Variants in GSE1 observed in about 807,000 individuals in gnomAD.
GSE1 encodes the protein genetic suppressor element 1.
GSE1 carries 32 observed loss-of-function variants against 112.6 expected under a neutral mutation model. That is an observed-to-expected ratio of 0.28 (90% CI 0.21 to 0.38). The LOEUF (loss-of-function observed/expected upper bound fraction) is 0.38. Ranked by LOEUF, GSE1 falls within the 10% of genes least tolerant of loss-of-function variation. The pLI is 1.00. For synonymous variants in GSE1, 1,115 were observed against 735.6 expected (o/e 1.52, Z -8.35); for missense variants, 2,348 against 1,699.2 (o/e 1.38, Z -6.71).
At chr16:85,381,787 G>A (rs4783181) in intron 2 of GSE1, among the ~76,000 whole-genome samples, 44,695 of 152,180 alleles carry the variant, frequency 0.29, 7,517 homozygotes, top group East Asian at 0.45. Context: ...TCACTCCTCA[G>A]GATGCTGTTG....
chr16:85,650,817 G>A (rs1278864264), intron 3 of GSE1, among the ~76,000 whole-genome samples: 2 of 151,920 alleles, frequency 1.3e-5, no homozygotes, highest in Non-Finnish European at 1.5e-5. Flanking sequence ...CAAAGCTGTG[G>A]CCATGAGTCT....
intron 1 of GSE1, among the ~76,000 whole-genome samples, chr16:85,558,938 A>G (rs1598178084): frequency 6.6e-6 from 1 of 150,568 alleles, no homozygotes; most frequent in African/African-American, 2.5e-5. Context: ...GCTCACTGCA[A>G]CCTCCACCTT....
chr16:85,270,570 T>C (rs1487264301), intron 1 of GSE1, among the ~76,000 whole-genome samples: 1 of 148,948 alleles, frequency 6.7e-6, no homozygotes, highest in Non-Finnish European at 1.5e-5. Context: ...TGGGGGCCGA[T>C]TTTATTAAAT....
At chr16:85,358,487 CT>C (rs1031127990) in intron 2 of GSE1, among the ~76,000 whole-genome samples, 6 of 152,324 alleles carry the variant, frequency 3.9e-5, no homozygotes, top group African/African-American at 1.4e-4. Context: ...CAGCCCGCCC[CT>C]GGTGCCAACC....
In GSE1 at chr16:85,674,938, C is replaced by G. The variant is rs1317960095; in HGVS notation, c.*2399C>G. ...CTTGCTCAAGAAGTAATACGACAAT[C>G]AGAATACAAACCAGTAAGGCAACAC... is the stretch of plus-strand genomic sequence containing the variant. On this transcript the variant is annotated 3_prime_UTR_variant, in exon 16 of 16. Coordinates refer to ENST00000253458, the MANE Select transcript of GSE1 (RefSeq NM_014615.5). 5.2e-5 allele frequency: 8 copies of G among 152,612 alleles called. No individual in the cohort carries two copies. Among genetic ancestry groups the G allele is most frequent in the African/African-American group, 1.7e-4 (7 of 41,434 alleles). The allele number at this position is 152,612 out of a possible 1,614,324, so 9.5% of individuals were successfully genotyped here.
chr16:85,629,981 G>T (rs1488463282), intron 1 of GSE1, among the ~76,000 whole-genome samples: 2 of 152,212 alleles, frequency 1.3e-5, no homozygotes, highest in Admixed American at 1.3e-4. Context: ...GGTGGTTCTG[G>T]CTCAGGGTCT....
chr16:85,581,846 G>A (rs1329388044), intron 1 of GSE1, among the ~76,000 whole-genome samples: 4 of 152,256 alleles, frequency 2.6e-5, no homozygotes, highest in African/African-American at 7.2e-5. Context: ...TCCCCCACTG[G>A]CTGCATCCGA....
chr16:85,645,176 G>C (rs1210537679), intron 2 of GSE1, among the ~76,000 whole-genome samples: 1 of 151,912 alleles, frequency 6.6e-6, no homozygotes. Context: ...GGTGTGGGCA[G>C]TGGTTGGCTA....
upstream of GSE1, among the ~76,000 whole-genome samples, chr16:85,610,648 C>T (rs2047928185): frequency 6.6e-6 from 1 of 152,234 alleles, no homozygotes; most frequent in African/African-American, 2.4e-5. Flanking sequence ...GCCAGCGTTT[C>T]CCGGCCAGGA....
rs866670472 is a variant in GSE1, at chr16:85,654,659, C to T, written c.600-135C>T. ...CTCGCTCCCCCCGCTGCTTAAGCCC[C>T]GTCCTCGTTCGGGGTGCCAGGAGTC... On this transcript the variant is annotated intron_variant, in intron 4 of 15. Transcript: ENST00000253458. 50 of 730,852 alleles carry T rather than the reference C, an allele frequency of 6.8e-5. 1 individual carries two copies. The Middle Eastern group carries it at 3.7e-3, about 55-fold the overall frequency. The allele number at this position is 730,852 out of a possible 1,614,324, so 45.3% of individuals were successfully genotyped here.
At position 85,648,759 on chromosome 16, in the gene GSE1, G is replaced by C; in HGVS notation, c.426+8G>C. On this transcript the variant is annotated splice_region_variant and intron_variant, in intron 3 of 15. Coordinates refer to ENST00000253458, the MANE Select transcript of GSE1 (RefSeq NM_014615.5). ...AGGAGTGAGAGCCGGCAGGTGAGTG[G>C]GGCGGGGCAGGGAGCCTAGCGTCCT... 3 of 1,545,494 alleles carry C rather than the reference G, an allele frequency of 1.9e-6. No homozygotes were observed. Among genetic ancestry groups the C allele is most frequent in the Non-Finnish European group, 2.6e-6 (3 of 1,139,942 alleles).
chr16:85,412,669 C>G (rs1597673364), intron 2 of GSE1, among the ~76,000 whole-genome samples: 1 of 63,264 alleles, frequency 1.6e-5, no homozygotes, highest in African/African-American at 6.9e-5. Context: ...CAGGGCCCCC[C>G]TGGATAATCC....
In GSE1 at chr16:85,468,127, T is replaced by G. The variant is rs182062927; in HGVS notation, c.2464+110484T>G. On this transcript the variant is annotated intron_variant, in intron 2 of 2. Transcript: ENST00000637419. ...GACAGAGGTCCCGATGGGAGATGGA[T>G]TCCCACCTTTTGGGTCTCAGGTGTT... Among the ~76,000 whole-genome samples the G allele has an allele frequency of 2.9e-4, 44 of 152,074 alleles. No homozygotes were observed. The East Asian group carries it at 7.4e-3, about 26-fold the overall frequency.
intron 1 of GSE1, among the ~76,000 whole-genome samples, chr16:85,616,759 C>G (rs957235616): frequency 6.6e-6 from 1 of 152,088 alleles, no homozygotes; most frequent in African/African-American, 2.4e-5. Flanking sequence ...GTGCTGCTGG[C>G]TTCACTTCCG....
intron 1 of GSE1, among the ~76,000 whole-genome samples, chr16:85,614,968 G>C (rs1598390440): frequency 6.6e-6 from 1 of 152,246 alleles, no homozygotes; most frequent in East Asian, 1.9e-4. Context: ...AGAAGGTCTT[G>C]GTGGGGGCGT....
At chr16:85,242,288 T>G (rs11643980) in intron 1 of GSE1, among the ~76,000 whole-genome samples, 25,392 of 152,140 alleles carry the variant, frequency 0.17, 2,454 homozygotes, top group South Asian at 0.35. Context: ...GCTTCCCCTC[T>G]GCCAGAGGCT....
chr16:85,208,347 C>T (rs956786606), intron 1 of GSE1, among the ~76,000 whole-genome samples: 3 of 152,326 alleles, frequency 2.0e-5, no homozygotes, highest in East Asian at 1.9e-4. Flanking sequence ...TCTCAGCCAT[C>T]GCCCGTGGCA....
At chr16:85,238,718 G>A (rs1904924211) in intron 1 of GSE1, among the ~76,000 whole-genome samples, 2 of 152,264 alleles carry the variant, frequency 1.3e-5, no homozygotes, top group South Asian at 2.1e-4. Context: ...GCTCAGCAGG[G>A]TGGGGGACCA....
chr16:85,487,454 G>A (rs778008439), intron 2 of GSE1, among the ~76,000 whole-genome samples: 2 of 152,162 alleles, frequency 1.3e-5, no homozygotes, highest in Non-Finnish European at 2.9e-5. Flanking sequence ...TGGGCAGGCC[G>A]ATTTCATAAA....
Sources: allele counts gnomAD v4.1 joint callset (sites outside exome capture counted in the v4.1 genomes callset), GRCh38; gene constraint gnomAD v4.1.1; transcripts MANE v1.5; gene names NCBI Gene and HGNC (gene_info 2026-07-23, HGNC 2026-07-21).